Variants in PDE2A observed in about 807,000 individuals in gnomAD.
The protein encoded by PDE2A is phosphodiesterase 2A, also known as cGMP-dependent 3',5'-cyclic phosphodiesterase.
Under a neutral mutation model 133.6 loss-of-function variants are expected in PDE2A, and 53 were observed. The observed-to-expected ratio is 0.40, with a 90% CI of 0.32 to 0.50. PDE2A has a LOEUF of 0.50. PDE2A is among the 20% of genes least tolerant of loss of function. The probability of loss-of-function intolerance (pLI) is 0.73; values close to 1 mark genes in which losing one functional copy is unlikely to be tolerated. For missense variants in PDE2A, 796 were observed against 1,232.4 expected, an observed-to-expected ratio of 0.65 and a Z score of 5.30; for synonymous variants, 491 against 490.2, an observed-to-expected ratio of 1.00 and a Z score of -0.02.
intron 6 of PDE2A, 141 bp from the exon 7 acceptor site, chr11:72,591,497 C>A: frequency 1.5e-6 from 1 of 667,188 alleles, no homozygotes; most frequent in Non-Finnish European, 2.7e-6. Context: ...ATAACCCCAT[C>A]TTTCTGACCA....
intron 13 of PDE2A, among the ~76,000 whole-genome samples, chr11:72,587,129 T>G (rs1856011721): frequency 6.6e-6 from 1 of 152,200 alleles, no homozygotes; most frequent in Non-Finnish European, 1.5e-5. Context: ...AATACCCTTC[T>G]CACTCTCTTC....
chr11:72,595,389 G>A (rs537512797), intron 6 of PDE2A, among the ~76,000 whole-genome samples: 11 of 152,184 alleles, frequency 7.2e-5, no homozygotes, highest in Admixed American at 3.3e-4. Flanking sequence ...TGAGAACTCC[G>A]TGCAACAGCA....
intron 2 of PDE2A, among the ~76,000 whole-genome samples, chr11:72,620,632 C>T (rs1312424440): frequency 2.6e-5 from 4 of 152,122 alleles, no homozygotes; most frequent in South Asian, 2.1e-4. Context: ...GCCTCAGCTG[C>T]GGGTATGGAC....
At chr11:72,633,157 C>T (rs1190590607) in intron 2 of PDE2A, among the ~76,000 whole-genome samples, 1 of 152,130 alleles carries the variant, frequency 6.6e-6, no homozygotes, top group Admixed American at 6.5e-5. Context: ...GATTCCCAGA[C>T]CTCTGCATTG....
At chr11:72,644,637 C>T (rs561370776) in intron 1 of PDE2A, among the ~76,000 whole-genome samples, 4 of 152,358 alleles carry the variant, frequency 2.6e-5, no homozygotes, top group African/African-American at 7.2e-5. Context: ...GGTCAACAGC[C>T]GACCCTGGCC....
intron 4 of PDE2A, among the ~76,000 whole-genome samples, chr11:72,602,842 C>T (rs1309466323): frequency 6.6e-6 from 1 of 152,226 alleles, no homozygotes; most frequent in East Asian, 1.9e-4. Flanking sequence ...GTGCTCTTCC[C>T]TCGTCCATAC....
chr11:72,596,621 T>A lies in PDE2A; in HGVS notation c.461A>T (p.Glu154Val), dbSNP rs781740318. 6.6e-7 allele frequency: 1 copy of A among 1,515,734 alleles called. No homozygotes were observed. The highest frequency in any genetic ancestry group is 1.3e-5 in the South Asian group (1 of 76,602). The allele number at this position is 1,515,734 out of a possible 1,614,324, so 93.9% of individuals were successfully genotyped here. Residue 154 changes from glutamate (E) to valine (V), a missense_variant, in exon 6 of 31, where the codon GAG becomes GTG. Glu to Val is a moderately radical substitution (Grantham distance 121). Coordinates refer to ENST00000334456, the MANE Select transcript of PDE2A (RefSeq NM_002599.5). Reference protein sequence around the residue: ...QVLVMPLADKEAGAVAAVILV... With the variant: ...QVLVMPLADKVAGAVAAVILV... ...GATGACAGCTGCCACGGCCCCAGCC[T>A]CCTTGTCCGCTAGCGGCATGACCAG...
chr11:72,638,071 C>T (rs1334215779), intron 2 of PDE2A, among the ~76,000 whole-genome samples: 1 of 152,042 alleles, frequency 6.6e-6, no homozygotes, highest in African/African-American at 2.4e-5. Flanking sequence ...CATTAATAAT[C>T]GTTTACCCGC....
At chr11:72,655,521 G>A (rs957721872) in intron 1 of PDE2A, among the ~76,000 whole-genome samples, 3 of 151,120 alleles carry the variant, frequency 2.0e-5, no homozygotes, top group Non-Finnish European at 1.5e-5. Flanking sequence ...GTGTGTGTGT[G>A]TGCATGTGTG....
intron 2 of PDE2A, among the ~76,000 whole-genome samples, chr11:72,613,724 A>G (rs1376771995): frequency 6.6e-6 from 1 of 152,076 alleles, no homozygotes; most frequent in Non-Finnish European, 1.5e-5. Flanking sequence ...ACACTGGGAG[A>G]AAGCACCTAA....
chr11:72,642,485 C>T (rs1473378601), intron 1 of PDE2A, 159 bp from the exon 2 acceptor site: 2 of 737,584 alleles, frequency 2.7e-6, no homozygotes, highest in Non-Finnish European at 3.3e-6. Flanking sequence ...CGCCCCGGCC[C>T]GCCCCCCGCC....
chr11:72,608,835 C>T, intron 2 of PDE2A, 84 bp from the exon 3 acceptor site: 1 of 740,806 alleles, frequency 1.3e-6, no homozygotes, highest in South Asian at 1.5e-5. Context: ...GAGCAAAACC[C>T]CCCAGCTTAG....
intron 2 of PDE2A, among the ~76,000 whole-genome samples, chr11:72,616,800 C>T (rs888437974): frequency 2.6e-5 from 4 of 152,326 alleles, no homozygotes; most frequent in Admixed American, 2.0e-4. Context: ...GGGCTCTTCC[C>T]CAAGAGGAGC....
chr11:72,582,147 C>A (rs567044709), intron 21 of PDE2A, 200 bp from the exon 22 acceptor site: 27 of 611,024 alleles, frequency 4.4e-5, no homozygotes, highest in Non-Finnish European at 4.3e-5. Flanking sequence ...CTCTTGAAAC[C>A]AAGCCCACAC....
At chr11:72,611,781 G>C (rs1054571570) in intron 2 of PDE2A, among the ~76,000 whole-genome samples, 1 of 152,198 alleles carries the variant, frequency 6.6e-6, no homozygotes, top group African/African-American at 2.4e-5. Flanking sequence ...GCTGGGAAGG[G>C]CCACTTCAGA....
Position 72,596,602 on chromosome 11 carries a change from A to C in PDE2A, c.480T>G (p.Ala160=), listed in dbSNP as rs772852705. The C allele has an allele frequency of 2.8e-5, 42 of 1,498,284 alleles. No individual in the cohort carries two copies. Among genetic ancestry groups the C allele is most frequent in the Non-Finnish European group, 3.5e-5 (39 of 1,115,136 alleles). 92.8% of individuals were successfully genotyped at this position (1,498,284 alleles called of 1,614,324 possible). A position where few individuals can be genotyped will look rare whatever the true frequency, so the allele number is the denominator to read the frequency against. The change falls in exon 6 of 31, where the codon GCT becomes GCG. Residue 160 remains alanine, a synonymous_variant. Coordinates refer to ENST00000334456, the MANE Select transcript of PDE2A (RefSeq NM_002599.5). ...CTAGGCAGGCTCTTACCAAGATGACAGCTGCCACGGCCCCAGCCTCCTTGT... is the reference window on the plus strand; with the variant it reads ...CTAGGCAGGCTCTTACCAAGATGACCGCTGCCACGGCCCCAGCCTCCTTGT... ...LADKEAGAVA[A]VILVHCGQLS...
intron 2 of PDE2A, among the ~76,000 whole-genome samples, chr11:72,636,303 T>C (rs1858692943): frequency 6.6e-6 from 1 of 152,262 alleles, no homozygotes; most frequent in African/African-American, 2.4e-5. Context: ...CACGCATGTT[T>C]AGCATTTTCA....
At chr11:72,637,095 C>T (rs1858734269) in intron 2 of PDE2A, among the ~76,000 whole-genome samples, 1 of 137,366 alleles carries the variant, frequency 7.3e-6, no homozygotes, top group Non-Finnish European at 1.5e-5. Context: ...TCCCCTCTGT[C>T]CAGAACTTTC....
chr11:72,583,766 G>A (rs1242997119), intron 19 of PDE2A, among the ~76,000 whole-genome samples: 1 of 152,088 alleles, frequency 6.6e-6, no homozygotes. Flanking sequence ...ACCTGATCCA[G>A]GCTTCAGTGA....
Sources: allele counts gnomAD v4.1 joint callset (sites outside exome capture counted in the v4.1 genomes callset), GRCh38; gene constraint gnomAD v4.1.1; transcripts MANE v1.5; gene names NCBI Gene and HGNC (gene_info 2026-07-23, HGNC 2026-07-21).